The following NCOR2 variants were observed in gnomAD, a reference collection of about 807,000 sequenced individuals.
NCOR2 encodes nuclear receptor corepressor 2.
Under a neutral mutation model 262.9 loss-of-function variants are expected in NCOR2, and 81 were observed. The observed-to-expected ratio is 0.31, with a 90% CI of 0.26 to 0.37. The LOEUF is 0.37. NCOR2 is among the 10% of genes least tolerant of loss of function. The pLI is 1.00. For missense variants in NCOR2, 3,385 were observed against 3,621.4 expected (o/e 0.93, Z 1.68); for synonymous variants, 1,659 against 1,559.3 (o/e 1.06, Z -1.51).
chr12:124,325,438 G>C, exon 47 of NCOR2: 1 of 1,317,304 alleles, frequency 7.6e-7, no homozygotes, highest in Non-Finnish European at 9.7e-7. Flanking sequence ...ACTGCGAGCA[G>C]AGCAGTGGCT....
intron 1 of NCOR2, among the ~76,000 whole-genome samples, chr12:124,516,139 G>A (rs1249215775): frequency 6.6e-6 from 1 of 152,248 alleles, no homozygotes; most frequent in Non-Finnish European, 1.5e-5. Context: ...CTGGTGCGGG[G>A]GGCCTGGACG....
At chr12:124,422,510 C>T (rs1408361352) in exon 12 of NCOR2, 3 of 1,613,956 alleles carry the variant, frequency 1.9e-6, no homozygotes, top group Non-Finnish European at 2.5e-6. Flanking sequence ...CCTTCCTCTC[C>T]AGGAATGATG....
At chr12:124,476,478 T>C (rs2047103635) in intron 3 of NCOR2, among the ~76,000 whole-genome samples, 3 of 152,152 alleles carry the variant, frequency 2.0e-5, no homozygotes, top group African/African-American at 7.2e-5. Context: ...AAGGAAGGGC[T>C]ATGGGGGCCA....
Position 124,398,107 on chromosome 12 carries a change from C to T in NCOR2, c.1876+12G>A. 6.2e-7 allele frequency: 1 copy of T among 1,614,180 alleles called. No homozygotes were observed. The highest frequency in any genetic ancestry group is 8.5e-7 in the Non-Finnish European group (1 of 1,179,994). ...AAACCAACAAGGCTTAAAGCCGCCA[C>T]ACACCCCTCACCTTTCTTGGCTGTT... On this transcript the variant is annotated intron_variant, in intron 16 of 46. Coordinates refer to ENST00000405201, the Ensembl canonical transcript of NCOR2.
intron 13 of NCOR2, among the ~76,000 whole-genome samples, chr12:124,407,625 A>C (rs913075421): frequency 6.6e-6 from 1 of 152,202 alleles, no homozygotes; most frequent in Non-Finnish European, 1.5e-5. Flanking sequence ...GAATGAGAGG[A>C]GACAGTCCAG....
In NCOR2 at chr12:124,548,457, G is replaced by A. The variant is rs532497880; in HGVS notation, c.-164-12846C>T. Among the ~76,000 whole-genome samples the A allele has an allele frequency of 1.1e-3, 164 of 152,224 alleles. 1 individual carries two copies. Among genetic ancestry groups the A allele is most frequent in the Middle Eastern group, 0.01 (3 of 294 alleles). The stretch of plus-strand genomic sequence containing the variant: ...GGACCCCGAAGAGGCTACTGCAGTC[G>A]TCCAAGCCAGACGGCGACAGAGTGG... On this transcript the variant is annotated intron_variant, in intron 1 of 32. Transcript: ENST00000458234. The surrounding 1 kb of genome is among the most constrained non-coding windows in gnomAD (Gnocchi z 5.1).
intron 17 of NCOR2, among the ~76,000 whole-genome samples, chr12:124,382,814 A>G (rs1252627933): frequency 6.6e-6 from 1 of 152,220 alleles, no homozygotes; most frequent in Non-Finnish European, 1.5e-5. Context: ...CTGACCAAGG[A>G]CCAGGCACCA....
chr12:124,486,521 G>A (rs1223411091), exon 2 of NCOR2: 1 of 1,604,662 alleles, frequency 6.2e-7, no homozygotes, highest in East Asian at 2.3e-5. Flanking sequence ...GCGACAGGTG[G>A]GAGGCATAGT....
chr12:124,367,923 C>T (rs1216917382), intron 20 of NCOR2, among the ~76,000 whole-genome samples: 2 of 152,246 alleles, frequency 1.3e-5, no homozygotes, highest in African/African-American at 2.4e-5. Context: ...CATGAGCCAC[C>T]GCGACCGGCC....
At chr12:124,329,327 T>C (rs2034976383) in intron 44 of NCOR2, among the ~76,000 whole-genome samples, 1 of 151,986 alleles carries the variant, frequency 6.6e-6, no homozygotes, top group Non-Finnish European at 1.5e-5. Flanking sequence ...CCAGGTGTAG[T>C]GGCGGGTGTC....
At position 124,495,198 on chromosome 12, in the gene NCOR2, G is replaced by T; in HGVS notation, c.54C>A (p.Arg18=). Residue 18 remains arginine, a synonymous_variant, in exon 1 of 47, where the codon CGC becomes CGA. Transcript: ENST00000405201. This position sits in a 1 kb window ranked among gnomAD's most constrained non-coding sequence, Gnocchi z 4.4. Reference sequence around the variant, plus strand: ...GGTAGGAAAGGCTGTGGGGCGGGTAGCGGGGCTCAGTGGCCCTCCACGTCT... The same window carrying T: ...GGTAGGAAAGGCTGTGGGGCGGGTATCGGGGCTCAGTGGCCCTCCACGTCT... The T allele has an allele frequency of 6.2e-7, 1 of 1,613,964 alleles. No individual in the cohort carries two copies. The highest frequency in any genetic ancestry group is 8.5e-7 in the Non-Finnish European group (1 of 1,179,966).
At position 124,503,671 on chromosome 12, in the gene NCOR2, A is replaced by AATGGATGG. The variant is rs140410776; in HGVS notation, c.-117-8311_-117-8304dup. 0.059 allele frequency among the ~76,000 whole-genome samples: 7,176 copies of AATGGATGG among 122,136 alleles called. 223 individuals carry two copies. Among genetic ancestry groups the AATGGATGG allele is most frequent in the Non-Finnish European group, 0.067 (3,837 of 57,524 alleles). 80.1% of individuals were successfully genotyped at this position (122,136 alleles called of 152,430 possible). A position where few individuals can be genotyped will look rare whatever the true frequency, so the allele number is the denominator to read the frequency against. On this transcript the variant is annotated intron_variant, in intron 1 of 46. Transcript: ENST00000404621. This position sits in a 1 kb window ranked among gnomAD's most constrained non-coding sequence, Gnocchi z 4.3. ...GGATGGATGGATGGATGGACGGGTG[A>AATGGATGG]ATGGATGGATGGATGGATGGATGGA...
chr12:124,384,625 G>A (rs142658023), intron 17 of NCOR2, among the ~76,000 whole-genome samples: 143 of 152,296 alleles, frequency 9.4e-4, no homozygotes, highest in African/African-American at 3.1e-3. Flanking sequence ...GTGCTTGGGC[G>A]GAGTTCAAAC....
At position 124,441,207 on chromosome 12, in the gene NCOR2, G is replaced by A. The variant is rs118132736; in HGVS notation, c.816-3211C>T. Among the ~76,000 whole-genome samples the A allele has an allele frequency of 2.2e-3, 335 of 152,308 alleles. 2 individuals are homozygous for A. Among genetic ancestry groups the A allele is most frequent in the Non-Finnish European group, 4.3e-3 (292 of 68,030 alleles). On this transcript the variant is annotated intron_variant, in intron 7 of 46. Transcript: ENST00000405201. ...CGGGCCATGGCTGATTCCAGCGCTC[G>A]GCCAGGAAGTATGCAAGAAGAGCCC...
rs751754171 is a variant in NCOR2, at chr12:124,360,051, G to A, written c.3100+2075C>T. Among the ~76,000 whole-genome samples the A allele has an allele frequency of 5.6e-4, 86 of 152,332 alleles. 2 individuals carry two copies. Among genetic ancestry groups the A allele is most frequent in the Non-Finnish European group, 9.1e-4 (62 of 68,008 alleles). On this transcript the variant is annotated intron_variant, in intron 22 of 46. Transcript: ENST00000405201. ...GTGCCAGCCGCGGGAACTGCTGGCCGGTGGCTCCCTTTCTCCCAGGACAGG... is the reference window on the plus strand; with the variant it reads ...GTGCCAGCCGCGGGAACTGCTGGCCAGTGGCTCCCTTTCTCCCAGGACAGG...
In NCOR2 at chr12:124,503,601, T is replaced by TGGAC. The variant is rs778870402; in HGVS notation, c.-117-8237_-117-8234dup. On this transcript the variant is annotated intron_variant, in intron 1 of 46. Transcript: ENST00000404621. The surrounding 1 kb of genome is among the most constrained non-coding windows in gnomAD (Gnocchi z 4.3). ...ACGGACGGATGGACGGATGGATGGATGGACGGACGGACGGATGGATGGATG... is the reference window on the plus strand; with the variant it reads ...ACGGACGGATGGACGGATGGATGGATGGACGGACGGACGGACGGATGGATGGATG... Among the ~76,000 whole-genome samples, 630 of 131,886 alleles carry TGGAC rather than the reference T, an allele frequency of 4.8e-3. 7 individuals carry two copies. The highest frequency in any genetic ancestry group is 0.011 in the African/African-American group (376 of 33,048). 86.5% of individuals were successfully genotyped at this position (131,886 alleles called of 152,430 possible).
chr12:124,447,864 T>C (rs1440089377), intron 7 of NCOR2, among the ~76,000 whole-genome samples: 1 of 152,060 alleles, frequency 6.6e-6, no homozygotes, highest in Non-Finnish European at 1.5e-5. Context: ...ACCCAGCTAA[T>C]TTCTTGTCAA....
chr12:124,497,675 C>T (rs1229225263), upstream of NCOR2, among the ~76,000 whole-genome samples: 1 of 152,222 alleles, frequency 6.6e-6, no homozygotes, highest in Non-Finnish European at 1.5e-5. The surrounding 1 kb of genome is among the most constrained non-coding windows in gnomAD (Gnocchi z 4.2). Flanking sequence ...CTGCCTAAGT[C>T]CTCCTGCAAG....
chr12:124,473,234 G>C, intron 3 of NCOR2, 103 bp from the exon 6 acceptor site: 1 of 1,340,460 alleles, frequency 7.5e-7, no homozygotes, highest in Non-Finnish European at 1.0e-6. Flanking sequence ...GATTGAAGGA[G>C]GCAAAGTATT....
Sources: gnomAD v4.1 joint callset for allele counts (sites outside exome capture counted in the v4.1 genomes callset) on GRCh38, gnomAD v4.1.1 for gene constraint, Gnocchi (gnomAD v3.1) non-coding constraint, MANE v1.5 for transcripts, NCBI Gene and HGNC (gene_info 2026-07-23, HGNC 2026-07-21) for gene names.